The following FMR1 variants were observed in gnomAD, a reference collection of about 807,000 sequenced individuals.
FMR1 encodes fragile X messenger ribonucleoprotein 1, also known as FMRP translational regulator 1.
Under a neutral mutation model 50.6 loss-of-function variants are expected in FMR1, and 13 were observed. The observed-to-expected ratio is 0.26, with a 90% CI of 0.17 to 0.41. The LOEUF is 0.41. FMR1 is among the 10% of genes least tolerant of loss of function. The pLI, the probability that FMR1 is intolerant of heterozygous loss-of-function variation, is 1.00. For missense variants in FMR1, 316 were observed against 491.3 expected, an observed-to-expected ratio of 0.64 and a Z score of 3.37; for synonymous variants, 138 against 164.1, an observed-to-expected ratio of 0.84 and a Z score of 1.22.
chrX:147,920,745 C>G (rs782677063), intron 1 of FMR1, among the ~76,000 whole-genome samples: 1 of 111,631 alleles, frequency 9.0e-6, no homozygotes, highest in Non-Finnish European at 1.9e-5. Flanking sequence ...ATGCAGAGGA[C>G]AGGAATTTAA....
intron 9 of FMR1, chrX:147,933,316 TG>T (rs781958817): frequency 6.9e-6 from 3 of 436,116 alleles, no homozygotes; most frequent in Non-Finnish European, 7.1e-6. Flanking sequence ...GAATGATATT[TG>T]GGGACTTTAT....
intron 2 of FMR1, among the ~76,000 whole-genome samples, chrX:147,922,438 T>C (rs1160997039): frequency 3.6e-5 from 4 of 112,032 alleles, no homozygotes; most frequent in Non-Finnish European, 7.5e-5. Flanking sequence ...TGATTTTTTT[T>C]AATGTTTCAT....
intron 1 of FMR1, among the ~76,000 whole-genome samples, chrX:147,916,689 G>T (rs1016972807): frequency 9.8e-6 from 1 of 102,313 alleles, no homozygotes; most frequent in Admixed American, 1.1e-4. Context: ...TTGTTTCTTT[G>T]GTTTGTTTCT....
At chrX:147,923,828 A>G (rs1404475618) in intron 2 of FMR1, among the ~76,000 whole-genome samples, 1 of 111,916 alleles carries the variant, frequency 8.9e-6, no homozygotes, top group Non-Finnish European at 1.9e-5. Context: ...ATAGGTCTCC[A>G]CCAAAGTAAT....
chrX:147,921,451 TTGTG>T, intron 1 of FMR1, among the ~76,000 whole-genome samples: 1 of 109,741 alleles, frequency 9.1e-6, no homozygotes, highest in East Asian at 2.8e-4. Context: ...TTTAGTATAT[TTGTG>T]TGTGCGTATA....
chrX:147,939,577 T>G (rs73247516), intron 12 of FMR1, among the ~76,000 whole-genome samples: 1,215 of 111,174 alleles, frequency 0.011, 10 homozygotes, highest in Non-Finnish European at 0.016. Context: ...TTTGTACCCT[T>G]GGTATTTCAT....
intron 7 of FMR1, among the ~76,000 whole-genome samples, chrX:147,931,570 C>T (rs2043609558): frequency 9.0e-6 from 1 of 111,593 alleles, no homozygotes; most frequent in African/African-American, 3.3e-5. Context: ...AAGAAATTCC[C>T]ATTTTTCAAC....
intron 5 of FMR1, 42 bp downstream of exon 5, chrX:147,928,849 A>G (rs1175432064): frequency 1.7e-6 from 2 of 1,159,209 alleles, no homozygotes; most frequent in East Asian, 3.0e-5. Context: ...TGGAAGTGAT[A>G]TGCAATTAGT....
intron 2 of FMR1, 93 bp downstream of exon 2, chrX:147,922,078 G>A (rs1028811036): frequency 1.8e-6 from 1 of 564,855 alleles, no homozygotes; most frequent in Admixed American, 2.9e-5. Context: ...AGTCCAGTTT[G>A]AGTGCTTTTC....
At chrX:147,935,466 C>T (rs539036839) in intron 9 of FMR1, among the ~76,000 whole-genome samples, 5 of 111,898 alleles carry the variant, frequency 4.5e-5, no homozygotes, top group African/African-American at 1.6e-4. Context: ...CCTTTAAAGG[C>T]GAAAAGGAAA....
intron 2 of FMR1, among the ~76,000 whole-genome samples, chrX:147,923,182 G>T (rs1337322010): frequency 1.8e-5 from 2 of 111,928 alleles, no homozygotes; most frequent in African/African-American, 6.5e-5. Context: ...TGAAACACGT[G>T]TAGGGGGACA....
chrX:147,912,240 T>C lies in FMR1; in HGVS notation c.51+10T>C. ...TGGCGCTTTCTACAAGGTACTTGGC[T>C]CTAGGGCAGGCCCCATCTTCGCCCT... On this transcript the variant is annotated intron_variant, in intron 1 of 16. Transcript: ENST00000370475. The C allele has an allele frequency of 8.6e-7, 1 of 1,158,864 alleles. No individual in the cohort carries two copies. Among genetic ancestry groups the C allele is most frequent in the Admixed American group, 2.6e-5 (1 of 38,626 alleles).
intron 9 of FMR1, among the ~76,000 whole-genome samples, chrX:147,935,333 T>C (rs2043753933): frequency 8.9e-6 from 1 of 112,481 alleles, no homozygotes; most frequent in Non-Finnish European, 1.9e-5. Context: ...GTCAAAGCTA[T>C]GCTCTGATTA....
intron 9 of FMR1, among the ~76,000 whole-genome samples, chrX:147,934,447 A>C (rs1467949037): frequency 9.0e-6 from 1 of 111,080 alleles, no homozygotes; most frequent in African/African-American, 3.3e-5. Context: ...TTGATGTGAT[A>C]ATTAAATTGG....
intron 3 of FMR1, 120 bp downstream of exon 3, chrX:147,925,753 A>G (rs1460373911): frequency 3.8e-6 from 2 of 529,973 alleles, no homozygotes; most frequent in African/African-American, 2.3e-5. Flanking sequence ...TACAGCTGGA[A>G]TGGACACGTG....
intron 3 of FMR1, among the ~76,000 whole-genome samples, chrX:147,926,968 G>C (rs782218131): frequency 6.1e-4 from 68 of 112,230 alleles, no homozygotes; most frequent in Middle Eastern, 4.6e-3. Context: ...CTGTTTCAGA[G>C]AGTAGTCAGG....
chrX:147,912,655 C>G (rs1210938254), intron 1 of FMR1: 2 of 298,760 alleles, frequency 6.7e-6, no homozygotes, highest in Non-Finnish European at 1.2e-5. Context: ...GAGCGGGGGG[C>G]GCTTCAGCCG....
intron 1 of FMR1, among the ~76,000 whole-genome samples, chrX:147,917,415 G>C (rs1055537941): frequency 1.8e-5 from 2 of 111,536 alleles, no homozygotes; most frequent in African/African-American, 6.5e-5. Context: ...GTAAATTAGG[G>C]ACCCCTTAAT....
intron 9 of FMR1, among the ~76,000 whole-genome samples, chrX:147,934,723 G>A (rs946925178): frequency 5.4e-5 from 6 of 112,077 alleles, no homozygotes; most frequent in Admixed American, 9.5e-5. Flanking sequence ...TTTCTAGTTA[G>A]TAAAATGAGA....
Sources: gnomAD v4.1 joint callset for allele counts (sites outside exome capture counted in the v4.1 genomes callset) on GRCh38, gnomAD v4.1.1 for gene constraint, MANE v1.5 for transcripts, NCBI Gene and HGNC (gene_info 2026-07-23, HGNC 2026-07-21) for gene names.